HMCN1: variants seen among roughly 807,000 people sequenced by gnomAD.
The protein encoded by HMCN1 is hemicentin-1.
In HMCN1, 321 loss-of-function variants were observed where a neutral mutation model predicts 625.9. The observed-to-expected ratio is 0.51, with a 90% CI of 0.47 to 0.56. The LOEUF is 0.56. HMCN1 is among the 20% of genes least tolerant of loss of function. The probability of loss-of-function intolerance (pLI) is 0.00; values close to 1 mark genes in which losing one functional copy is unlikely to be tolerated. For synonymous variants in HMCN1, 2,425 were observed against 2,417.6 expected, an observed-to-expected ratio of 1.00 and a Z score of -0.09; for missense variants, 6,588 against 6,887.3, an observed-to-expected ratio of 0.96 and a Z score of 1.54.
chr1:186,174,504 A>G lies in HMCN1; in HGVS notation c.15815-10A>G, dbSNP rs779261774. ...GGAAATGTTACTTCTCATTGCCTCC[A>G]TGTCTGTAGATATTGATGAATGTAA... On this transcript the variant is annotated splice_polypyrimidine_tract_variant and intron_variant, in intron 102 of 106. Transcript: ENST00000271588. 2.5e-6 allele frequency: 4 copies of G among 1,613,600 alleles called. No homozygotes were observed. The Admixed American group carries it at 5.0e-5, about 20-fold the overall frequency.
intron 68 of HMCN1, among the ~76,000 whole-genome samples, chr1:186,098,554 G>A (rs1368733015): frequency 6.6e-6 from 1 of 152,122 alleles, no homozygotes; most frequent in East Asian, 1.9e-4. Flanking sequence ...AGTCGGCAAG[G>A]ATGTGGAGAA....
chr1:185,812,778 T>TATAC (rs1659604583), intron 1 of HMCN1, among the ~76,000 whole-genome samples: 2 of 151,672 alleles, frequency 1.3e-5, no homozygotes, highest in South Asian at 2.1e-4. Flanking sequence ...TTTCTTGGAA[T>TATAC]ATACATACAT....
At chr1:186,055,270 T>C (rs1310434061) in intron 44 of HMCN1, 123 bp from the exon 45 acceptor site, 6 of 921,090 alleles carry the variant, frequency 6.5e-6, no homozygotes, top group Non-Finnish European at 6.7e-6. Context: ...TCCTGGGTCT[T>C]TTCTTTAGTT....
chr1:185,995,111 T>C (rs1571684142), intron 24 of HMCN1, 24 bp downstream of exon 24: 2 of 1,609,378 alleles, frequency 1.2e-6, no homozygotes, highest in Non-Finnish European at 1.7e-6. Context: ...CAGGAAAATA[T>C]ATGTATGTAG....
intron 1 of HMCN1, among the ~76,000 whole-genome samples, chr1:185,749,239 T>C (rs1654630248): frequency 6.6e-6 from 1 of 152,238 alleles, no homozygotes; most frequent in Admixed American, 6.5e-5. Flanking sequence ...AGTATAATTG[T>C]CATTCACAAA....
chr1:186,055,460 C>T lies in HMCN1; in HGVS notation c.6930C>T (p.Ile2310=), dbSNP rs1384389217. 4 of 1,612,708 alleles carry T rather than the reference C, an allele frequency of 2.5e-6. No individual in the cohort carries two copies. The highest frequency in any genetic ancestry group is 2.5e-6 in the Non-Finnish European group (3 of 1,179,192). The change falls in exon 45 of 107, where the codon ATC becomes ATT. Residue 2310 remains isoleucine, a synonymous_variant. Transcript: ENST00000271588. ...TEIIVTRGKS[I]SLECEVQGIP... is the part of the protein sequence containing the mutation. Reference sequence around the variant, plus strand: ...TTATTGTGACCCGAGGGAAGAGTATCTCCTTGGAGTGTGAGGTGCAGGGTA... The same window carrying T: ...TTATTGTGACCCGAGGGAAGAGTATTTCCTTGGAGTGTGAGGTGCAGGGTA...
chr1:186,063,066 G>GTGTGTGTGTATATATA (rs1491400415), intron 48 of HMCN1, among the ~76,000 whole-genome samples: 1 of 29,940 alleles, frequency 3.3e-5, no homozygotes, highest in Non-Finnish European at 6.0e-5. Context: ...GTGTGTGTGT[G>GTGTGTGTGTATATATA]CATATATATA....
chr1:185,794,913 T>C (rs1258256030), intron 1 of HMCN1, among the ~76,000 whole-genome samples: 1 of 152,214 alleles, frequency 6.6e-6, no homozygotes, highest in African/African-American at 2.4e-5. Flanking sequence ...TCTGTATATT[T>C]GGGGTAGAAA....
intron 13 of HMCN1, among the ~76,000 whole-genome samples, chr1:185,965,473 GTATTCTGATT>G (rs1171655630): frequency 6.6e-6 from 1 of 151,924 alleles, no homozygotes; most frequent in Non-Finnish European, 1.5e-5. Context: ...TCTCTAAGAT[GTATTCTGATT>G]TCTAAGATGT....
At position 186,081,203 on chromosome 1, in the gene HMCN1, T is replaced by C; in HGVS notation, c.8600-4T>C. The C allele has an allele frequency of 2.5e-6, 4 of 1,612,868 alleles. No individual in the cohort carries two copies. Among genetic ancestry groups the C allele is most frequent in the Non-Finnish European group, 3.4e-6 (4 of 1,178,946 alleles). On this transcript the variant is annotated splice_polypyrimidine_tract_variant and splice_region_variant and intron_variant, in intron 55 of 106. Coordinates refer to ENST00000271588, the MANE Select transcript of HMCN1 (RefSeq NM_031935.3). ...TTTCTCCCTTTGTTGCAATCCTTTG[T>C]TAGTGCCGCCAATTATCAAGGGAGC...
intron 80 of HMCN1, among the ~76,000 whole-genome samples, chr1:186,121,721 T>C (rs1438577949): frequency 6.6e-6 from 1 of 152,064 alleles, no homozygotes; most frequent in East Asian, 1.9e-4. Flanking sequence ...GGGAGAAGTA[T>C]AGTCAAAGAT....
rs373920864 is a variant in HMCN1, at chr1:185,821,027, T to C, written c.269-24999T>C. Among the ~76,000 whole-genome samples, 6 of 151,854 alleles carry C rather than the reference T, an allele frequency of 4.0e-5. No homozygotes were observed. The South Asian group carries it at 8.3e-4, about 21-fold the overall frequency. ...GAAAACATTATGTACCTGTAATATA[T>C]ATATATGTACATGTAATATATATAT... On this transcript the variant is annotated intron_variant, in intron 1 of 106. Coordinates refer to ENST00000271588, the MANE Select transcript of HMCN1 (RefSeq NM_031935.3).
chr1:185,993,067 GA>G, intron 22 of HMCN1, 114 bp from the exon 23 acceptor site: 1 of 979,350 alleles, frequency 1.0e-6, no homozygotes, highest in Non-Finnish European at 1.6e-6. Context: ...TTGCAGATGG[GA>G]AAATGGTTTA....
rs777125974 is a variant in HMCN1, at chr1:185,955,990, C to T, written c.1829-6528C>T. Among the ~76,000 whole-genome samples the T allele has an allele frequency of 4.3e-4, 66 of 152,236 alleles. 1 individual carries two copies. In the Middle Eastern group the frequency reaches 0.01, roughly 24 times the overall value. On this transcript the variant is annotated intron_variant, in intron 11 of 106. Transcript: ENST00000271588. Reference sequence around the variant, plus strand: ...TGTGAAGCATCTCATAAACCACTGCCTTTCTGATATTGGTCTCTTTGTTCG... The same window carrying T: ...TGTGAAGCATCTCATAAACCACTGCTTTTCTGATATTGGTCTCTTTGTTCG...
At chr1:186,113,454 G>T (rs1660982068) in intron 72 of HMCN1, among the ~76,000 whole-genome samples, 1 of 152,182 alleles carries the variant, frequency 6.6e-6, no homozygotes, top group Admixed American at 6.5e-5. Context: ...AATATTGGGT[G>T]ACCCAAACAA....
rs761087374 is a variant in HMCN1 at position 185,980,961 on chromosome 1, T to C, written c.2567-17T>C. ...CCATAGATGGTATTGGATGAGTAAA[T>C]GAGTTCTTCCTTTTAGACTTATGGG... On this transcript the variant is annotated splice_polypyrimidine_tract_variant and intron_variant, in intron 16 of 106. Transcript: ENST00000271588. The C allele has an allele frequency of 1.4e-6, 2 of 1,451,568 alleles. No homozygotes were observed. Among genetic ancestry groups the C allele is most frequent in the Admixed American group, 3.3e-5 (2 of 59,764 alleles). 89.9% of individuals were successfully genotyped at this position (1,451,568 alleles called of 1,614,324 possible). A position where few individuals can be genotyped will look rare whatever the true frequency, so the allele number is the denominator to read the frequency against.
chr1:185,959,629 T>C (rs1649869026), intron 11 of HMCN1, among the ~76,000 whole-genome samples: 1 of 152,088 alleles, frequency 6.6e-6, no homozygotes. Context: ...ATGATGATGT[T>C]GGTTGCTCAT....
At chr1:186,062,678 T>C in intron 48 of HMCN1, 78 bp downstream of exon 48, 1 of 936,422 alleles carries the variant, frequency 1.1e-6, no homozygotes. Context: ...ATCTTAAAAA[T>C]TTTTTATATA....
chr1:186,019,694 A>G lies in HMCN1; in HGVS notation c.5624A>G (p.Lys1875Arg), dbSNP rs751987871. 1.2e-6 allele frequency: 2 copies of G among 1,610,498 alleles called. No individual in the cohort carries two copies. Among genetic ancestry groups the G allele is most frequent in the Non-Finnish European group, 1.7e-6 (2 of 1,177,250 alleles). Reference protein sequence around the residue: ...QPVNTAQGNLKIQSSGRVLQI... With the variant: ...QPVNTAQGNLRIQSSGRVLQI... ...GTGAACACTGCCCAAGGAAACCTTA[A>G]AGTAAGTGTAAATATTACTCAGCCT... is the stretch of plus-strand genomic sequence containing the variant. The change falls in exon 35 of 107, where the codon AAA (lysine) becomes AGA (arginine). Residue 1875 changes from lysine to arginine, a missense_variant and splice_region_variant. Physicochemically the swap from Lys to Arg is conservative, Grantham distance 26. Around this residue, in one of 3 missense-constraint regions of HMCN1, gnomAD observed 4,628 missense variants for 4,853.1 expected, o/e 0.95. Coordinates refer to ENST00000271588, the MANE Select transcript of HMCN1 (RefSeq NM_031935.3).
Sources: gnomAD v4.1 joint callset for allele counts (sites outside exome capture counted in the v4.1 genomes callset) on GRCh38, gnomAD v4.1.1 for gene constraint, gnomAD v4.1.1 regional missense constraint, MANE v1.5 for transcripts, NCBI Gene and HGNC (gene_info 2026-07-23, HGNC 2026-07-21) for gene names.